Variants in MTA3 observed in about 807,000 individuals in gnomAD.
MTA3 encodes metastasis associated 1 family member 3.
In MTA3, 34 loss-of-function variants were observed where a neutral mutation model predicts 83.5. The ratio of observed to expected loss-of-function variants is 0.41; its 90% CI spans 0.31 to 0.54. MTA3 has a LOEUF of 0.54. MTA3 is among the 20% of genes least tolerant of loss of function. The pLI is 0.33. For missense variants in MTA3, 761 were observed against 726.4 expected, an observed-to-expected ratio of 1.05 and a Z score of -0.55; for synonymous variants, 303 against 252.7, an observed-to-expected ratio of 1.20 and a Z score of -1.89.
chr2:42,715,186 G>A (rs1558613400), intron 14 of MTA3, among the ~76,000 whole-genome samples: 1 of 152,270 alleles, frequency 6.6e-6, no homozygotes, highest in East Asian at 1.9e-4. Context: ...CTGACAAGTG[G>A]CAGCATTGTT....
chr2:42,573,233 C>G (rs568026450), intron 2 of MTA3, among the ~76,000 whole-genome samples: 2 of 152,314 alleles, frequency 1.3e-5, no homozygotes, highest in Non-Finnish European at 2.9e-5. Flanking sequence ...CATCTGGTAA[C>G]TTGTTCAGTT....
chr2:42,661,622 A>C (rs1044414029), intron 8 of MTA3, among the ~76,000 whole-genome samples: 1 of 151,990 alleles, frequency 6.6e-6, no homozygotes, highest in African/African-American at 2.4e-5. Flanking sequence ...TCAATTTAAA[A>C]ATTAATGTAT....
At chr2:42,547,112 G>A (rs1676793399) in intron 2 of MTA3, among the ~76,000 whole-genome samples, 1 of 152,164 alleles carries the variant, frequency 6.6e-6, no homozygotes, top group Non-Finnish European at 1.5e-5. Flanking sequence ...CTCCCCCAGA[G>A]ACAGATTTTG....
chr2:42,555,977 C>G (rs1376476736), intron 2 of MTA3, among the ~76,000 whole-genome samples: 1 of 151,834 alleles, frequency 6.6e-6, no homozygotes, highest in Non-Finnish European at 1.5e-5. Context: ...GAGGCTGAGG[C>G]AGGAGAATTG....
chr2:42,731,054 C>G lies in MTA3; in HGVS notation c.1759+8019C>G, dbSNP rs148723026. ...ATTTCTGTGATATCAGTTGTAACGT[C>G]TCCTTTTTCATCTCTGATTTTATTT... On this transcript the variant is annotated intron_variant, in intron 16 of 16. Transcript: ENST00000405094. Among the ~76,000 whole-genome samples the G allele has an allele frequency of 1.7e-3, 259 of 152,174 alleles. 1 individual carries two copies. The highest frequency in any genetic ancestry group is 5.8e-3 in the African/African-American group (240 of 41,532).
intron 2 of MTA3, among the ~76,000 whole-genome samples, chr2:42,512,801 T>C (rs1230036463): frequency 6.6e-6 from 1 of 152,148 alleles, no homozygotes; most frequent in Non-Finnish European, 1.5e-5. Context: ...AGGGAGAAAT[T>C]GTATATAACT....
intron 9 of MTA3, among the ~76,000 whole-genome samples, chr2:42,685,331 A>G (rs1692272860): frequency 6.6e-6 from 1 of 152,190 alleles, no homozygotes; most frequent in Non-Finnish European, 1.5e-5. Context: ...TAGAGAGCTT[A>G]TTGAAACATT....
intron 2 of MTA3, among the ~76,000 whole-genome samples, chr2:42,504,476 G>A (rs532948330): frequency 3.3e-5 from 5 of 152,220 alleles, no homozygotes; most frequent in African/African-American, 1.2e-4. Flanking sequence ...CCTGACCTCA[G>A]GTGATCCAGC....
intron 2 of MTA3, among the ~76,000 whole-genome samples, chr2:42,513,549 C>T (rs1025880316): frequency 2.6e-5 from 4 of 152,182 alleles, no homozygotes; most frequent in Admixed American, 1.3e-4. Flanking sequence ...CTAAACCTAG[C>T]GAGAGACCCA....
intron 3 of MTA3, among the ~76,000 whole-genome samples, chr2:42,589,958 A>T (rs773754227): frequency 4.6e-5 from 7 of 152,294 alleles, no homozygotes; most frequent in African/African-American, 1.4e-4. Flanking sequence ...AGATGCCTGT[A>T]TATAAGACAA....
rs1232288322 is a variant in MTA3, at chr2:42,753,893, T to C, written c.*494T>C. The C allele has an allele frequency of 1.0e-6, 1 of 987,066 alleles. No homozygotes were observed. Among genetic ancestry groups the C allele is most frequent in the Non-Finnish European group, 1.2e-6 (1 of 831,274 alleles). 61.1% of individuals were successfully genotyped at this position (987,066 alleles called of 1,614,324 possible). A position where few individuals can be genotyped will look rare whatever the true frequency, so the allele number is the denominator to read the frequency against. On this transcript the variant is annotated 3_prime_UTR_variant, in exon 17 of 17. Transcript: ENST00000405094. The stretch of plus-strand genomic sequence containing the variant: ...GCGCCAGTGTTTATGAGGTTCAAGG[T>C]ATTTCCCTGTCCTTGCTGTTACCGT...
At chr2:42,701,368 C>T (rs1454711419) in intron 11 of MTA3, among the ~76,000 whole-genome samples, 1 of 143,046 alleles carries the variant, frequency 7.0e-6, no homozygotes, top group Non-Finnish European at 1.5e-5. Context: ...GGAATGATCC[C>T]TTGAGCCCAG....
intron 16 of MTA3, among the ~76,000 whole-genome samples, chr2:42,743,356 G>A (rs1304227182): frequency 1.3e-5 from 2 of 152,206 alleles, no homozygotes; most frequent in Non-Finnish European, 2.9e-5. Flanking sequence ...ACCATCGTTT[G>A]GAGGTGCTCT....
intron 2 of MTA3, among the ~76,000 whole-genome samples, chr2:42,576,685 G>C (rs572519088): frequency 6.6e-6 from 1 of 152,302 alleles, no homozygotes; most frequent in African/African-American, 2.4e-5. Flanking sequence ...TGGATCACCT[G>C]AGAGGAGTCT....
upstream of MTA3, among the ~76,000 whole-genome samples, chr2:42,566,509 G>C (rs570761253): frequency 6.6e-6 from 1 of 152,094 alleles, no homozygotes; most frequent in African/African-American, 2.4e-5. Context: ...CGGTTCTAAG[G>C]CCTGCCACCA....
chr2:42,702,225 AT>A (rs993491469), intron 11 of MTA3: 26 of 152,424 alleles, frequency 1.7e-4, no homozygotes, highest in Middle Eastern at 3.4e-3. Context: ...AAGTAAATAA[AT>A]AAATAAAATA....
intron 2 of MTA3, among the ~76,000 whole-genome samples, chr2:42,496,862 A>G (rs935943073): frequency 7.9e-5 from 12 of 152,190 alleles, no homozygotes; most frequent in African/African-American, 2.9e-4. Flanking sequence ...TAAGGCCACC[A>G]CAGAGCTCTT....
intron 3 of MTA3, among the ~76,000 whole-genome samples, chr2:42,605,834 T>TG (rs1226841660): frequency 5.9e-5 from 5 of 84,120 alleles, no homozygotes; most frequent in South Asian, 5.1e-4. Context: ...GCTGGCCGGG[T>TG]GGAGGGCTGA....
intron 15 of MTA3, among the ~76,000 whole-genome samples, 156 bp from the exon 16 acceptor site, chr2:42,722,733 A>G (rs914800302): frequency 2.0e-5 from 3 of 152,178 alleles, no homozygotes; most frequent in Non-Finnish European, 2.9e-5. Flanking sequence ...TGGCAACAAC[A>G]CTTGAAGCTG....
Sources: gnomAD v4.1 joint callset for allele counts (sites outside exome capture counted in the v4.1 genomes callset) on GRCh38, gnomAD v4.1.1 for gene constraint, MANE v1.5 for transcripts, NCBI Gene and HGNC (gene_info 2026-07-23, HGNC 2026-07-21) for gene names.